SCUBE1: variants seen among roughly 807,000 people sequenced by gnomAD.
The protein encoded by SCUBE1 is signal peptide, CUB and EGF-like domain-containing protein 1.
Under a neutral mutation model 124.4 loss-of-function variants are expected in SCUBE1, and 59 were observed. The observed-to-expected ratio is 0.47, with a 90% CI of 0.38 to 0.59. The LOEUF is 0.59. Among genes scored for constraint, SCUBE1 ranks in the 20% least tolerant of loss-of-function variants. The pLI, the probability that SCUBE1 is intolerant of heterozygous loss-of-function variation, is 0.00. For synonymous variants in SCUBE1, 545 were observed against 550.9 expected, an observed-to-expected ratio of 0.99 and a Z score of 0.15; for missense variants, 1,150 against 1,371.2, an observed-to-expected ratio of 0.84 and a Z score of 2.55.
intron 3 of SCUBE1, among the ~76,000 whole-genome samples, chr22:43,313,300 G>GA (rs1486834937): frequency 6.6e-6 from 1 of 152,038 alleles, no homozygotes; most frequent in Non-Finnish European, 1.5e-5. Flanking sequence ...CTTCAACAGG[G>GA]AAAAAAAGTG....
rs150324658 is a variant in SCUBE1 at position 43,208,405 on chromosome 22, C to T, written c.2582-181G>A. On this transcript the variant is annotated intron_variant, in intron 19 of 21. Transcript: ENST00000360835. ...CTGAGGCCCTTCCCTACCCTCAACC[C>T]GGGTTCTTACTTGTCCTTCTGAGAC... 3.3e-5 allele frequency among the ~76,000 whole-genome samples: 5 copies of T among 152,294 alleles called. No homozygotes were observed. In the East Asian group the frequency reaches 5.8e-4, roughly 18 times the overall value.
chr22:43,218,670 G>A (rs1196743919), intron 14 of SCUBE1, among the ~76,000 whole-genome samples: 2 of 152,226 alleles, frequency 1.3e-5, no homozygotes, highest in South Asian at 2.1e-4. Flanking sequence ...CCACGGCCAC[G>A]CAGCAGATCT....
chr22:43,255,560 T>C lies in SCUBE1; in HGVS notation c.727+2659A>G, dbSNP rs762446281. 121 of 1,550,394 alleles carry C rather than the reference T, an allele frequency of 7.8e-5. No homozygotes were observed. The highest frequency in any genetic ancestry group is 1.3e-4 in the South Asian group (11 of 84,064). On this transcript the variant is annotated intron_variant, in intron 6 of 21. Transcript: ENST00000360835. This position sits in a 1 kb window ranked among gnomAD's most constrained non-coding sequence, Gnocchi z 4.7. Reference sequence around the variant, plus strand: ...GTGGCATTGAACTGAGAGCGCTCAATTGCAGCCTCATCCTTCTCTAAAACA... The same window carrying C: ...GTGGCATTGAACTGAGAGCGCTCAACTGCAGCCTCATCCTTCTCTAAAACA...
At position 43,258,549 on chromosome 22, in the gene SCUBE1, C is replaced by T. The variant is rs1025218121; in HGVS notation, c.611-214G>A. 1.3e-5 allele frequency among the ~76,000 whole-genome samples: 2 copies of T among 152,048 alleles called. No individual in the cohort carries two copies. The highest frequency in any genetic ancestry group is 2.1e-4 in the South Asian group (1 of 4,808). ...GAGTCACTCACTCCCTAGAGCTGAACGGGGGTGGGACAGAATGGACTTGGG... is the reference window on the plus strand; with the variant it reads ...GAGTCACTCACTCCCTAGAGCTGAATGGGGGTGGGACAGAATGGACTTGGG... On this transcript the variant is annotated intron_variant, in intron 5 of 21. Coordinates refer to ENST00000360835, the MANE Select transcript of SCUBE1 (RefSeq NM_173050.5). This position sits in a 1 kb window ranked among gnomAD's most constrained non-coding sequence, Gnocchi z 5.0.
chr22:43,268,434 C>T (rs558465230), intron 4 of SCUBE1, among the ~76,000 whole-genome samples: 3 of 152,348 alleles, frequency 2.0e-5, no homozygotes, highest in Non-Finnish European at 2.9e-5. Flanking sequence ...GCCTGATGCC[C>T]GTCAGGCCAG....
intron 6 of SCUBE1, among the ~76,000 whole-genome samples, chr22:43,246,404 C>G (rs746259199): frequency 2.0e-5 from 3 of 152,166 alleles, no homozygotes; most frequent in Non-Finnish European, 4.4e-5. Context: ...GGCCAGTGCT[C>G]TTCCGTGCAC....
chr22:43,253,954 C>G (rs1362342678), intron 6 of SCUBE1, among the ~76,000 whole-genome samples: 1 of 152,202 alleles, frequency 6.6e-6, no homozygotes, highest in Non-Finnish European at 1.5e-5. Context: ...GGGGCTCCCT[C>G]CACCTGCCTC....
At chr22:43,274,929 C>T (rs1276958005) in intron 4 of SCUBE1, among the ~76,000 whole-genome samples, 2 of 152,202 alleles carry the variant, frequency 1.3e-5, no homozygotes, top group Non-Finnish European at 1.5e-5. Context: ...ACAGTAGGTA[C>T]GTTTGGATCA....
At chr22:43,296,420 A>G (rs1925561747) in intron 3 of SCUBE1, among the ~76,000 whole-genome samples, 1 of 152,216 alleles carries the variant, frequency 6.6e-6, no homozygotes, top group African/African-American at 2.4e-5. Flanking sequence ...TCCTGCTGGC[A>G]GCTCATGGTC....
Position 43,221,287 on chromosome 22 carries a change from C to G in SCUBE1, c.1435G>C (p.Ala479Pro). Reference sequence around the variant, plus strand: ...TTCTGTTTGATGGGGGTGGTGGGGGCATCTGGGGAAAGCCAAAATTCCCCC... The same window carrying G: ...TTCTGTTTGATGGGGGTGGTGGGGGGATCTGGGGAAAGCCAAAATTCCCCC... ...SSGLGPSCSD[A>P]PTTPIKQKAR... Residue 479 changes from alanine (A) to proline (P), a missense_variant and splice_region_variant, in exon 13 of 22, where the codon GCC becomes CCC. Physicochemically the swap from Ala to Pro is conservative, Grantham distance 27 (BLOSUM62 -1). Transcript: ENST00000360835. 6.2e-7 allele frequency: 1 copy of G among 1,601,146 alleles called. No individual in the cohort carries two copies. The highest frequency in any genetic ancestry group is 1.3e-5 in the African/African-American group (1 of 74,580).
In SCUBE1 at chr22:43,222,653, C is replaced by G. The variant is rs146338408; in HGVS notation, c.1417G>C (p.Gly473Arg). The change falls in exon 12 of 22, where the codon GGG (glycine) becomes CGG (arginine). Residue 473 changes from glycine to arginine, a missense_variant. Gly to Arg is a moderately radical substitution (Grantham distance 125). Transcript: ENST00000360835. ...GGGGGGTTACCTGAGCAGCTGGGCC[C>G]GAGGCCAGAGCTGGTGCCGTTGCGT... ...QKRNGTSSGL[G>R]PSCSDAPTTP... 5.0e-6 allele frequency: 8 copies of G among 1,594,348 alleles called. No homozygotes were observed. Among genetic ancestry groups the G allele is most frequent in the Non-Finnish European group, 6.0e-6 (7 of 1,171,564 alleles).
In SCUBE1 at chr22:43,234,916, C is replaced by T. The variant is rs941752537; in HGVS notation, c.845-3041G>A. Among the ~76,000 whole-genome samples, 3 of 152,288 alleles carry T rather than the reference C, an allele frequency of 2.0e-5. No individual in the cohort carries two copies. The highest frequency in any genetic ancestry group is 2.1e-4 in the South Asian group (1 of 4,830). On this transcript the variant is annotated intron_variant, in intron 7 of 21. Transcript: ENST00000360835. The surrounding 1 kb of genome is among the most constrained non-coding windows in gnomAD (Gnocchi z 4.4). Reference sequence around the variant, plus strand: ...CCCTGGCAGCCTGGACTCCAGTGACCGCACCCAGTACAGCCACAGCCCCCC... The same window carrying T: ...CCCTGGCAGCCTGGACTCCAGTGACTGCACCCAGTACAGCCACAGCCCCCC...
At position 43,231,807 on chromosome 22, in the gene SCUBE1, C is replaced by T. The variant is rs1472581401; in HGVS notation, c.913G>A (p.Glu305Lys). The T allele has an allele frequency of 5.6e-6, 9 of 1,612,724 alleles. No homozygotes were observed. Among genetic ancestry groups the T allele is most frequent in the Non-Finnish European group, 7.6e-6 (9 of 1,179,666 alleles). ...HFCRNTVGSF[E>K]CGCRKGYKLL... ...TTGTAGCCCTTCCGGCAGCCGCACTCGAAGCTGCCCACGGTGTTGCGGCAG... is the reference window on the plus strand; with the variant it reads ...TTGTAGCCCTTCCGGCAGCCGCACTTGAAGCTGCCCACGGTGTTGCGGCAG... The change falls in exon 8 of 22, where the codon GAG (glutamate) becomes AAG (lysine). Residue 305 changes from glutamate (E) to lysine (K), a missense_variant. Glu to Lys is a moderately conservative substitution (Grantham distance 56). This residue lies in a region of SCUBE1 where 337 missense variants were observed against 482.1 expected (regional missense o/e 0.70). Coordinates refer to ENST00000360835, the MANE Select transcript of SCUBE1 (RefSeq NM_173050.5).
At chr22:43,229,039 G>T (rs200810044) in intron 9 of SCUBE1, 33 bp downstream of exon 9, 150 of 1,510,430 alleles carry the variant, frequency 9.9e-5, no homozygotes, top group South Asian at 2.8e-4. Flanking sequence ...CGTGCCTCGG[G>T]GGGGAGGTGG....
In SCUBE1 at chr22:43,297,435, G is replaced by A. The variant is rs576013804; in HGVS notation, c.350-6255C>T. On this transcript the variant is annotated intron_variant, in intron 3 of 21. Transcript: ENST00000360835. ...CAGCATGAGCACAGCTCTGGAGGCCGGGGTGGCGGCGGACGGCCCTCAGCT... is the reference window on the plus strand; with the variant it reads ...CAGCATGAGCACAGCTCTGGAGGCCAGGGTGGCGGCGGACGGCCCTCAGCT... Among the ~76,000 whole-genome samples the A allele has an allele frequency of 8.5e-5, 13 of 152,358 alleles. No individual in the cohort carries two copies. The South Asian group carries it at 2.5e-3, about 29-fold the overall frequency.
In SCUBE1 at chr22:43,197,764, T is replaced by C. The variant is rs1310054673; in HGVS notation, c.*6233A>G. 6.6e-6 allele frequency: 1 copy of C among 152,222 alleles called. No individual in the cohort carries two copies. The highest frequency in any genetic ancestry group is 1.5e-5 in the Non-Finnish European group (1 of 68,046). 9.4% of individuals were successfully genotyped at this position (152,222 alleles called of 1,614,324 possible). ...GCTGTGTCTGCTCACGTCGGCACAG[T>C]GAGTACCCTGTCCGCCTGGTAGGGA... is the stretch of plus-strand genomic sequence containing the variant. On this transcript the variant is annotated 3_prime_UTR_variant, in exon 22 of 22. Coordinates refer to ENST00000360835, the MANE Select transcript of SCUBE1 (RefSeq NM_173050.5).
At chr22:43,331,716 A>G (rs974338720) in intron 2 of SCUBE1, among the ~76,000 whole-genome samples, 3 of 152,196 alleles carry the variant, frequency 2.0e-5, no homozygotes, top group Admixed American at 2.0e-4. Context: ...GAGTTGAAGC[A>G]TTTAAAGGGG....
At chr22:43,242,247 C>G (rs1923034774) in intron 6 of SCUBE1, among the ~76,000 whole-genome samples, 1 of 152,214 alleles carries the variant, frequency 6.6e-6, no homozygotes, top group Non-Finnish European at 1.5e-5. Flanking sequence ...AGGCCCCTGC[C>G]TTCCATGACA....
intron 3 of SCUBE1, among the ~76,000 whole-genome samples, chr22:43,302,026 A>C (rs1036742130): frequency 1.3e-5 from 2 of 152,216 alleles, no homozygotes; most frequent in African/African-American, 4.8e-5. Context: ...TGACAGGAGC[A>C]TGTGCTGGCT....
Sources: gnomAD v4.1 joint callset for allele counts (sites outside exome capture counted in the v4.1 genomes callset) on GRCh38, gnomAD v4.1.1 for gene constraint, gnomAD v4.1.1 regional missense constraint, Gnocchi (gnomAD v3.1) non-coding constraint, MANE v1.5 for transcripts, NCBI Gene and HGNC (gene_info 2026-07-23, HGNC 2026-07-21) for gene names.